The following PTPRD variants were observed in gnomAD, a reference collection of about 807,000 sequenced individuals.
PTPRD encodes receptor-type tyrosine-protein phosphatase delta.
PTPRD carries 34 observed loss-of-function variants against 214.5 expected under a neutral mutation model. That is an observed-to-expected ratio of 0.16 (90% CI 0.12 to 0.21). The LOEUF (loss-of-function observed/expected upper bound fraction) is 0.21. Among genes scored for constraint, PTPRD ranks in the 10% least tolerant of loss-of-function variants. PTPRD has a pLI of 1.00. For missense variants in PTPRD, 2,545 were observed against 2,398.7 expected (o/e 1.06, Z -1.27); for synonymous variants, 1,128 against 845.7 (o/e 1.33, Z -5.79).
At chr9:10,362,537 A>G (rs2097415697) in intron 2 of PTPRD, among the ~76,000 whole-genome samples, 1 of 152,034 alleles carries the variant, frequency 6.6e-6, no homozygotes, top group South Asian at 2.1e-4. Flanking sequence ...CTTACACACG[A>G]ATTTTCTCTA....
At chr9:8,609,771 A>G (rs978819481) in intron 14 of PTPRD, among the ~76,000 whole-genome samples, 1 of 152,238 alleles carries the variant, frequency 6.6e-6, no homozygotes, top group African/African-American at 2.4e-5. Context: ...ATAATTCATA[A>G]AAATGGAAGG....
At chr9:9,153,035 A>C (rs1374132290) in intron 10 of PTPRD, among the ~76,000 whole-genome samples, 3 of 152,104 alleles carry the variant, frequency 2.0e-5, no homozygotes, top group Non-Finnish European at 4.4e-5. Flanking sequence ...GTGCTGCTTG[A>C]CTATTGGCCA....
intron 5 of PTPRD, among the ~76,000 whole-genome samples, chr9:9,888,241 T>C (rs759854903): frequency 2.0e-5 from 3 of 152,146 alleles, no homozygotes; most frequent in African/African-American, 4.8e-5. Context: ...AAGTAGAATA[T>C]GGATATTCCC....
At chr9:10,314,019 A>G (rs891357153) in intron 3 of PTPRD, among the ~76,000 whole-genome samples, 7 of 151,978 alleles carry the variant, frequency 4.6e-5, no homozygotes, top group Non-Finnish European at 1.0e-4. Flanking sequence ...ACGTGATGAT[A>G]CAGGAGTGGT....
At chr9:8,988,226 G>A (rs945598542) in intron 11 of PTPRD, among the ~76,000 whole-genome samples, 1 of 152,038 alleles carries the variant, frequency 6.6e-6, no homozygotes, top group African/African-American at 2.4e-5. Flanking sequence ...ATTGGTGGCT[G>A]AGTAAAGGCA....
chr9:8,436,731 GAAAA>G, intron 34 of PTPRD, 42 bp from the exon 35 acceptor site: 1 of 1,476,368 alleles, frequency 6.8e-7, no homozygotes, highest in Non-Finnish European at 9.4e-7. Flanking sequence ...GAAAACAAAT[GAAAA>G]TGATGCTAAC....
chr9:9,346,522 A>G (rs1461874405), intron 9 of PTPRD, among the ~76,000 whole-genome samples: 1 of 152,184 alleles, frequency 6.6e-6, no homozygotes, highest in South Asian at 2.1e-4. Flanking sequence ...AAAAATTTGA[A>G]AAGATGGAAG....
intron 11 of PTPRD, among the ~76,000 whole-genome samples, chr9:8,981,135 G>T (rs893653181): frequency 6.6e-6 from 1 of 151,842 alleles, no homozygotes; most frequent in Non-Finnish European, 1.5e-5. Context: ...TAATATTGGG[G>T]TTATTTGTCA....
chr9:9,209,010 A>G lies in PTPRD; in HGVS notation c.-202-25647T>C, dbSNP rs375475643. Reference sequence around the variant, plus strand: ...CTTTTAGTAGAGACAGGGTTTCACCATGTTTGCCAGGATGGTCTCGATCTC... The same window carrying G: ...CTTTTAGTAGAGACAGGGTTTCACCGTGTTTGCCAGGATGGTCTCGATCTC... On this transcript the variant is annotated intron_variant, in intron 9 of 45. Coordinates refer to ENST00000381196, the MANE Select transcript of PTPRD (RefSeq NM_002839.4). Among the ~76,000 whole-genome samples the G allele has an allele frequency of 9.6e-3, 1,460 of 151,976 alleles. 12 individuals are homozygous for G. The highest frequency in any genetic ancestry group is 0.044 in the Middle Eastern group (13 of 294).
At chr9:9,513,162 G>A (rs2096750292) in intron 8 of PTPRD, among the ~76,000 whole-genome samples, 2 of 151,800 alleles carry the variant, frequency 1.3e-5, no homozygotes, top group Non-Finnish European at 2.9e-5. Flanking sequence ...ATCAGTAAAT[G>A]GCCACAGTCT....
chr9:8,519,072 T>C (rs2138659740), intron 20 of PTPRD, among the ~76,000 whole-genome samples: 1 of 152,312 alleles, frequency 6.6e-6, no homozygotes, highest in South Asian at 2.1e-4. Context: ...CTAAAAATTT[T>C]CTTGTAAATG....
chr9:8,995,840 G>A (rs980303120), intron 11 of PTPRD, among the ~76,000 whole-genome samples: 4 of 152,026 alleles, frequency 2.6e-5, no homozygotes, highest in Non-Finnish European at 5.9e-5. Context: ...CATGAGCTGA[G>A]GGGCAAACTG....
At chr9:8,840,672 G>T (rs987474432) in intron 11 of PTPRD, among the ~76,000 whole-genome samples, 1 of 152,034 alleles carries the variant, frequency 6.6e-6, no homozygotes, top group African/African-American at 2.4e-5. Flanking sequence ...CTACCACTGG[G>T]GCTTAGTATG....
In PTPRD at chr9:8,460,510, G is replaced by C; in HGVS notation, c.3776C>G (p.Pro1259Arg). The change falls in exon 33 of 46, where the codon CCA becomes CGA. Residue 1259 changes from proline (P) to arginine (R), a missense_variant. Coordinates refer to ENST00000381196, the MANE Select transcript of PTPRD (RefSeq NM_002839.4). ...PVVSMDLDPQ[P>R]ITDEEEGLIW... is the part of the protein sequence containing the mutation. ...CAAGCCTTCTTCTTCATCCGTGATT[G>C]GCTGCGGATCCAGATCCATTGACAC... 6.2e-7 allele frequency: 1 copy of C among 1,613,554 alleles called. No individual in the cohort carries two copies. Among genetic ancestry groups the C allele is most frequent in the Non-Finnish European group, 8.5e-7 (1 of 1,179,646 alleles).
chr9:10,382,630 G>C (rs2097846355), intron 2 of PTPRD, among the ~76,000 whole-genome samples: 1 of 151,860 alleles, frequency 6.6e-6, no homozygotes, highest in South Asian at 2.1e-4. Flanking sequence ...TTAAAATAAA[G>C]TTCTTAATCA....
intron 5 of PTPRD, 43 bp downstream of exon 5, chr9:9,938,464 T>C (rs917258037): frequency 7.2e-5 from 11 of 152,266 alleles, no homozygotes; most frequent in Non-Finnish European, 1.0e-4. Flanking sequence ...AATACACATC[T>C]TGTGTCATGG....
At chr9:9,085,294 C>A (rs2099765394) in intron 10 of PTPRD, among the ~76,000 whole-genome samples, 1 of 152,148 alleles carries the variant, frequency 6.6e-6, no homozygotes, top group African/African-American at 2.4e-5. Flanking sequence ...AATAAATATT[C>A]TACTTTTACC....
At chr9:9,849,300 T>C (rs1031646451) in intron 5 of PTPRD, among the ~76,000 whole-genome samples, 1 of 149,024 alleles carries the variant, frequency 6.7e-6, no homozygotes, top group African/African-American at 2.5e-5. Context: ...CTGAATTTAT[T>C]CTAGAAGACA....
intron 9 of PTPRD, among the ~76,000 whole-genome samples, chr9:9,338,923 C>T (rs138967592): frequency 6.6e-6 from 1 of 152,050 alleles, no homozygotes; most frequent in East Asian, 1.9e-4. Context: ...ACTCCCAAAA[C>T]TTTCTATCAA....
Sources: allele counts gnomAD v4.1 joint callset (sites outside exome capture counted in the v4.1 genomes callset), GRCh38; gene constraint gnomAD v4.1.1; transcripts MANE v1.5; gene names NCBI Gene and HGNC (gene_info 2026-07-23, HGNC 2026-07-21).